CFAP61: variants seen among roughly 807,000 people sequenced by gnomAD.
CFAP61 encodes the protein cilia- and flagella-associated protein 61.
Under a neutral mutation model 135.6 loss-of-function variants are expected in CFAP61, and 107 were observed. That is an observed-to-expected ratio of 0.79 (90% CI 0.67 to 0.93). The LOEUF (loss-of-function observed/expected upper bound fraction) is 0.93. CFAP61 is among the 40% of genes least tolerant of loss of function. CFAP61 has a pLI of 0.00. For missense variants in CFAP61, 1,507 were observed against 1,556.2 expected, an observed-to-expected ratio of 0.97 and a Z score of 0.53; for synonymous variants, 575 against 578.5, an observed-to-expected ratio of 0.99 and a Z score of 0.09.
intron 9 of CFAP61, among the ~76,000 whole-genome samples, chr20:20,145,696 T>C (rs1366118388): frequency 6.6e-6 from 1 of 152,196 alleles, no homozygotes; most frequent in Non-Finnish European, 1.5e-5. Flanking sequence ...GGATACACCA[T>C]GCCAACACTA....
rs2122512722 is a variant in CFAP61 at position 20,359,918 on chromosome 20, G to A, written c.3514-292G>A. ...GGAGGGTACGGAGCTGGTGTTTAAT[G>A]GAGACAGCGTTTCAGCTGACGAAGA... On this transcript the variant is annotated intron_variant, in intron 26 of 26. Transcript: ENST00000245957. The surrounding 1 kb of genome is among the most constrained non-coding windows in gnomAD (Gnocchi z 4.0). 6.6e-6 allele frequency among the ~76,000 whole-genome samples: 1 copy of A among 152,296 alleles called. No individual in the cohort carries two copies. Among genetic ancestry groups the A allele is most frequent in the Non-Finnish European group, 1.5e-5 (1 of 68,026 alleles).
At chr20:20,197,340 G>A (rs796586054) in intron 16 of CFAP61, among the ~76,000 whole-genome samples, 2 of 152,284 alleles carry the variant, frequency 1.3e-5, no homozygotes, top group African/African-American at 4.8e-5. Flanking sequence ...CGAATCTGAT[G>A]TGTATACATG....
chr20:20,073,992 C>T (rs1050611686), intron 3 of CFAP61: 5 of 338,612 alleles, frequency 1.5e-5, no homozygotes, highest in East Asian at 5.9e-5. Context: ...AGTTAATAAT[C>T]GATTTCACTC....
Position 20,052,591 on chromosome 20 carries a change from G to C in CFAP61, c.-37G>C. ...TGCGGCGTCCTGGAGCTGCGGATGA[G>C]GTGGGTAACGCCGTGCTGACTAGCA... On this transcript the variant is annotated splice_region_variant and 5_prime_UTR_variant, in exon 1 of 27. Transcript: ENST00000245957. The C allele has an allele frequency of 2.5e-6, 4 of 1,613,874 alleles. No individual in the cohort carries two copies. Among genetic ancestry groups the C allele is most frequent in the Non-Finnish European group, 3.4e-6 (4 of 1,179,888 alleles).
chr20:20,068,752 T>A (rs973888073), intron 2 of CFAP61, among the ~76,000 whole-genome samples: 11 of 152,230 alleles, frequency 7.2e-5, no homozygotes, highest in Admixed American at 1.3e-4. Flanking sequence ...TACCTTCCTT[T>A]TTATTTCTTT....
At chr20:20,266,002 A>G (rs1396098867) in intron 21 of CFAP61, among the ~76,000 whole-genome samples, 2 of 152,170 alleles carry the variant, frequency 1.3e-5, no homozygotes, top group Non-Finnish European at 2.9e-5. Context: ...CACCTGAGCC[A>G]AGAACCAACA....
At position 20,277,226 on chromosome 20, in the gene CFAP61, A is replaced by C. The variant is rs770300274; in HGVS notation, c.2564A>C (p.Asn855Thr). ...DTYTTVETLL[N>T]LGVSGSRIHL... ...TACACCACCGTGGAGACGCTCTTAA[A>C]CCTTGGCGTGAGCGGCAGCCGCATC... is the stretch of plus-strand genomic sequence containing the variant. Residue 855 changes from asparagine (N) to threonine (T), a missense_variant, in exon 22 of 27, where the codon AAC (asparagine) becomes ACC (threonine). Asn to Thr is a moderately conservative substitution (Grantham distance 65, BLOSUM62 0). Coordinates refer to ENST00000245957, the MANE Select transcript of CFAP61 (RefSeq NM_015585.4). 1 of 1,613,654 alleles carries C rather than the reference A, an allele frequency of 6.2e-7. No homozygotes were observed. Among genetic ancestry groups the C allele is most frequent in the Non-Finnish European group, 8.5e-7 (1 of 1,179,954 alleles).
intron 17 of CFAP61, among the ~76,000 whole-genome samples, chr20:20,205,230 C>T (rs6035581): frequency 0.14 from 20,614 of 152,170 alleles, 2,181 homozygotes; most frequent in East Asian, 0.56. Context: ...CTGTTACTTC[C>T]TGAGCTCTTG....
At chr20:20,168,658 T>C (rs900002228) in intron 12 of CFAP61, among the ~76,000 whole-genome samples, 9 of 152,212 alleles carry the variant, frequency 5.9e-5, no homozygotes, top group African/African-American at 2.2e-4. Flanking sequence ...TAAAATTTAG[T>C]TCCTCCGCCA....
intron 9 of CFAP61, among the ~76,000 whole-genome samples, chr20:20,148,251 G>A (rs1312686757): frequency 4.6e-5 from 7 of 152,012 alleles, no homozygotes; most frequent in Non-Finnish European, 8.8e-5. Flanking sequence ...TTATGGCTCC[G>A]TATGAATTTT....
chr20:20,065,960 C>T (rs1207789694), intron 2 of CFAP61, among the ~76,000 whole-genome samples: 1 of 150,616 alleles, frequency 6.6e-6, no homozygotes, highest in African/African-American at 2.4e-5. Context: ...CTTAGAAAAT[C>T]TTTTGTACAA....
At chr20:20,068,986 G>A (rs1325145908) in intron 2 of CFAP61, among the ~76,000 whole-genome samples, 4 of 152,246 alleles carry the variant, frequency 2.6e-5, no homozygotes, top group African/African-American at 4.8e-5. Context: ...CTTGTGATCC[G>A]CCTGCCTTGG....
chr20:20,159,115 C>T (rs1464756170), intron 9 of CFAP61, among the ~76,000 whole-genome samples: 1 of 152,192 alleles, frequency 6.6e-6, no homozygotes, highest in Admixed American at 6.5e-5. Flanking sequence ...AATCAGGAGG[C>T]ACCTGCACTA....
chr20:20,134,337 T>C (rs544226439), intron 8 of CFAP61, among the ~76,000 whole-genome samples: 9 of 152,258 alleles, frequency 5.9e-5, no homozygotes, highest in South Asian at 4.1e-4. Context: ...CCATGGCTTA[T>C]TGGGGGAAAG....
intron 11 of CFAP61, among the ~76,000 whole-genome samples, chr20:20,164,984 T>C (rs887659645): frequency 2.0e-5 from 3 of 152,262 alleles, no homozygotes; most frequent in African/African-American, 7.2e-5. Context: ...AAGAACAGTA[T>C]GGGGGAACCA....
intron 25 of CFAP61, 64 bp from the exon 26 acceptor site, chr20:20,341,767 T>C (rs938727090): frequency 6.9e-6 from 8 of 1,166,550 alleles, no homozygotes; most frequent in Non-Finnish European, 1.0e-5. Flanking sequence ...AAAAAGCAGG[T>C]AAATACTTTA....
rs374111353 is a variant in CFAP61 at position 20,125,997 on chromosome 20, T to C, written c.860-16860T>C. Among the ~76,000 whole-genome samples, 176 of 151,952 alleles carry C rather than the reference T, an allele frequency of 1.2e-3. 9 individuals carry two copies. The highest frequency in any genetic ancestry group is 4.1e-3 in the African/African-American group (169 of 41,222). On this transcript the variant is annotated intron_variant, in intron 8 of 26. Coordinates refer to ENST00000245957, the MANE Select transcript of CFAP61 (RefSeq NM_015585.4). ...CTTTGTCTCTTTTAACTGCTGTTGC[T>C]TTAAAGTTTGTTTTGTCTGATATAA... is the stretch of plus-strand genomic sequence containing the variant.
intron 7 of CFAP61, among the ~76,000 whole-genome samples, chr20:20,095,999 A>G (rs992933833): frequency 6.6e-6 from 1 of 152,232 alleles, no homozygotes; most frequent in African/African-American, 2.4e-5. Flanking sequence ...GTAGATATTT[A>G]CAGGACAAGC....
At chr20:20,079,715 G>A (rs2046305070) in intron 6 of CFAP61, among the ~76,000 whole-genome samples, 1 of 152,074 alleles carries the variant, frequency 6.6e-6, no homozygotes, top group South Asian at 2.1e-4. Context: ...CATATAAAAT[G>A]ATCTTTCATT....
Sources: gnomAD v4.1 joint callset for allele counts (sites outside exome capture counted in the v4.1 genomes callset) on GRCh38, gnomAD v4.1.1 for gene constraint, Gnocchi (gnomAD v3.1) non-coding constraint, MANE v1.5 for transcripts, NCBI Gene and HGNC (gene_info 2026-07-23, HGNC 2026-07-21) for gene names.